KAZN: variants seen among roughly 807,000 people sequenced by gnomAD.
KAZN encodes the protein kazrin.
Under a neutral mutation model 87.4 loss-of-function variants are expected in KAZN, and 40 were observed. The ratio of observed to expected loss-of-function variants is 0.46; its 90% CI spans 0.36 to 0.60. The LOEUF (loss-of-function observed/expected upper bound fraction) is 0.60, where lower values mean the gene tolerates loss of function less well. Among genes scored for constraint, KAZN ranks in the 20% least tolerant of loss-of-function variants. The pLI is 0.00. For missense variants in KAZN, 898 were observed against 1,073.9 expected, an observed-to-expected ratio of 0.84 and a Z score of 2.29; for synonymous variants, 466 against 458.3, an observed-to-expected ratio of 1.02 and a Z score of -0.22.
intron 1 of KAZN, among the ~76,000 whole-genome samples, chr1:14,825,807 C>T (rs1249955675): frequency 1.3e-5 from 2 of 152,208 alleles, no homozygotes; most frequent in Non-Finnish European, 2.9e-5. Context: ...GACTTTCTGT[C>T]CATGTGTCCA....
At chr1:14,962,334 T>C (rs1663972719) in intron 2 of KAZN, among the ~76,000 whole-genome samples, 1 of 152,170 alleles carries the variant, frequency 6.6e-6, no homozygotes, top group African/African-American at 2.4e-5. Flanking sequence ...GGGGTCTTGT[T>C]TCTGGTGGGG....
chr1:14,924,028 G>A, intron 1 of KAZN: 1 of 790,504 alleles, frequency 1.3e-6, no homozygotes. Context: ...GGGCACTGGG[G>A]CCAGTCTGGG....
chr1:14,931,804 G>T (rs1440317007), intron 1 of KAZN, among the ~76,000 whole-genome samples: 4 of 152,158 alleles, frequency 2.6e-5, no homozygotes, highest in Non-Finnish European at 5.9e-5. Flanking sequence ...CGATTCACAG[G>T]CACGATCAGG....
chr1:14,364,752 T>G (rs1402742361), intron 2 of KAZN, among the ~76,000 whole-genome samples: 1 of 152,340 alleles, frequency 6.6e-6, no homozygotes, highest in East Asian at 1.9e-4. Context: ...AGGGACATGC[T>G]TCATCTGAAG....
intron 2 of KAZN, among the ~76,000 whole-genome samples, chr1:14,291,911 C>T (rs1312353316): frequency 6.6e-6 from 1 of 152,164 alleles, no homozygotes; most frequent in Non-Finnish European, 1.5e-5. Context: ...GGATGTGTTG[C>T]TTCTCCTTCT....
rs189364507 is a variant in KAZN, at chr1:14,329,256, A to C, written c.249+148664A>C. ...CTAGATTAGCGGCTCCAGCAGAAGG[A>C]GGTCATCCAGGAAAATGTTCTGTTG... On this transcript the variant is annotated intron_variant, in intron 2 of 16. Transcript: ENST00000636203. Among the ~76,000 whole-genome samples the C allele has an allele frequency of 8.5e-5, 13 of 152,066 alleles. No individual in the cohort carries two copies. The East Asian group carries it at 2.1e-3, about 25-fold the overall frequency.
intron 2 of KAZN, among the ~76,000 whole-genome samples, chr1:14,361,437 C>T (rs1413485489): frequency 2.0e-5 from 3 of 152,220 alleles, no homozygotes; most frequent in Non-Finnish European, 4.4e-5. Flanking sequence ...TGGCTTCAGC[C>T]CCCTCTTCCA....
chr1:14,066,936 A>G (rs1347977801), intron 1 of KAZN, among the ~76,000 whole-genome samples: 1 of 152,114 alleles, frequency 6.6e-6, no homozygotes, highest in East Asian at 1.9e-4. Flanking sequence ...TGGGCTGGAG[A>G]AGCATTAATT....
intron 2 of KAZN, among the ~76,000 whole-genome samples, chr1:14,263,929 A>G (rs999172185): frequency 6.6e-6 from 1 of 152,238 alleles, no homozygotes; most frequent in Non-Finnish European, 1.5e-5. Context: ...CCTTCTGGCC[A>G]TCTGACTGGT....
chr1:14,129,445 T>G (rs867703205), intron 1 of KAZN, among the ~76,000 whole-genome samples: 11 of 152,220 alleles, frequency 7.2e-5, no homozygotes, highest in Non-Finnish European at 1.0e-4. Context: ...CCTAATTAAA[T>G]GGGATGTGAA....
intron 2 of KAZN, among the ~76,000 whole-genome samples, chr1:14,417,800 T>A (rs1664928378): frequency 6.6e-6 from 1 of 151,360 alleles, no homozygotes; most frequent in Non-Finnish European, 1.5e-5. Flanking sequence ...ATCAAGACCA[T>A]CCTGGCTAAC....
intron 1 of KAZN, among the ~76,000 whole-genome samples, chr1:14,068,588 A>C (rs1643111300): frequency 6.6e-6 from 1 of 152,054 alleles, no homozygotes; most frequent in African/African-American, 2.4e-5. Flanking sequence ...GCTTAAATTG[A>C]ATTTTGGGGA....
Position 14,393,204 on chromosome 1 carries a change from C to T in KAZN, c.250-205779C>T, listed in dbSNP as rs140782798. On this transcript the variant is annotated intron_variant, in intron 2 of 16. Transcript: ENST00000636203. ...CCACAGGACTTGTCAGGGCTCCAAA[C>T]AGGCACTTTCTCAAAGTATTTTTGC... 3.5e-3 allele frequency among the ~76,000 whole-genome samples: 526 copies of T among 152,296 alleles called. 5 individuals carry two copies. Among genetic ancestry groups the T allele is most frequent in the African/African-American group, 0.012 (505 of 41,546 alleles).
intron 1 of KAZN, among the ~76,000 whole-genome samples, chr1:13,931,918 A>T (rs1570313978): frequency 6.6e-6 from 1 of 151,590 alleles, no homozygotes; most frequent in African/African-American, 2.4e-5. Flanking sequence ...GCTCACTGCA[A>T]CCTCTGCCTT....
At chr1:14,092,359 G>C (rs976521233) in intron 1 of KAZN, among the ~76,000 whole-genome samples, 1 of 150,546 alleles carries the variant, frequency 6.6e-6, no homozygotes, top group Admixed American at 6.6e-5. Flanking sequence ...CCAAAGTGCT[G>C]GGATTATAGG....
chr1:13,894,217 A>G (rs754971832), intron 1 of KAZN, among the ~76,000 whole-genome samples: 2 of 152,164 alleles, frequency 1.3e-5, no homozygotes, highest in African/African-American at 4.8e-5. Flanking sequence ...TTCCATGCTT[A>G]TAAGTGTCTG....
chr1:14,220,474 A>G (rs1647071442), intron 2 of KAZN, among the ~76,000 whole-genome samples: 2 of 152,130 alleles, frequency 1.3e-5, no homozygotes, highest in Admixed American at 6.5e-5. Context: ...GAGGACTTAC[A>G]TGCTCTTTGG....
intron 1 of KAZN, among the ~76,000 whole-genome samples, chr1:14,152,927 T>A (rs903477565): frequency 6.6e-6 from 1 of 152,210 alleles, no homozygotes; most frequent in Non-Finnish European, 1.5e-5. Context: ...TGATTTGCAT[T>A]TATCTGATGA....
Position 14,599,239 on chromosome 1 carries a change from C to A in KAZN, c.226+16C>A, listed in dbSNP as rs758456043. 27 of 1,357,100 alleles carry A rather than the reference C, an allele frequency of 2.0e-5. No homozygotes were observed. In the African/African-American group the frequency reaches 2.6e-4, roughly 13 times the overall value. 84.1% of individuals were successfully genotyped at this position (1,357,100 alleles called of 1,614,324 possible). A position where few individuals can be genotyped will look rare whatever the true frequency, so the allele number is the denominator to read the frequency against. On this transcript the variant is annotated intron_variant, in intron 1 of 14. Transcript: ENST00000376030. This position sits in a 1 kb window ranked among gnomAD's most constrained non-coding sequence, Gnocchi z 4.4. ...GGAGCGCAAGGTAGGATCGCCCCGG[C>A]GCCCAGGGCGGAGGAAGGCGAGCAG...
Sources: gnomAD v4.1 joint callset for allele counts (sites outside exome capture counted in the v4.1 genomes callset) on GRCh38, gnomAD v4.1.1 for gene constraint, Gnocchi (gnomAD v3.1) non-coding constraint, MANE v1.5 for transcripts, NCBI Gene and HGNC (gene_info 2026-07-23, HGNC 2026-07-21) for gene names.